SOD2: variants seen among roughly 807,000 people sequenced by gnomAD.
The protein encoded by SOD2 is superoxide dismutase 2.
SOD2 carries 11 observed loss-of-function variants against 27.0 expected under a neutral mutation model. That is an observed-to-expected ratio of 0.41 (90% CI 0.26 to 0.67). The LOEUF (loss-of-function observed/expected upper bound fraction) is 0.67, where lower values mean the gene tolerates loss of function less well. SOD2 is among the 30% of genes least tolerant of loss of function. The pLI, the probability that SOD2 is intolerant of heterozygous loss-of-function variation, is 0.34. For synonymous variants in SOD2, 105 were observed against 103.0 expected (o/e 1.02, Z -0.12); for missense variants, 250 against 274.5 (o/e 0.91, Z 0.63).
At chr6:159,749,377 T>G (rs879349764), upstream of SOD2, 3 of 985,684 alleles carry the variant, frequency 3.0e-6, no homozygotes, top group Non-Finnish European at 3.6e-6. Flanking sequence ...TATTTGGGCC[T>G]TTTGTATTGC....
At chr6:159,740,086 T>A (rs1779158825) in intron 1 of SOD2, among the ~76,000 whole-genome samples, 1 of 152,034 alleles carries the variant, frequency 6.6e-6, no homozygotes, top group South Asian at 2.1e-4. Context: ...CTGAAGTGAT[T>A]CTCTCACCTT....
chr6:159,705,725 T>A (rs1245529668), intron 1 of SOD2, among the ~76,000 whole-genome samples: 2 of 152,150 alleles, frequency 1.3e-5, no homozygotes, highest in Non-Finnish European at 2.9e-5. Flanking sequence ...TTCCCCAACC[T>A]AGCAAGGCAG....
chr6:159,714,554 C>T (rs1411708611), intron 1 of SOD2, among the ~76,000 whole-genome samples: 2 of 152,174 alleles, frequency 1.3e-5, no homozygotes, highest in Admixed American at 6.5e-5. Flanking sequence ...ATGTTTTGCT[C>T]GTTTCATCGC....
intron 1 of SOD2, chr6:159,736,343 G>A (rs1425838328): frequency 2.0e-6 from 3 of 1,477,882 alleles, no homozygotes; most frequent in Non-Finnish European, 2.8e-6. Flanking sequence ...GGGTTTTTTG[G>A]GGGCTTTTTT....
chr6:159,761,919 G>C, exon 1 of SOD2: 2 of 729,646 alleles, frequency 2.7e-6, no homozygotes, highest in Non-Finnish European at 4.3e-6. Flanking sequence ...CCCCTGCTCC[G>C]GCCTTGCGCC....
chr6:159,746,320 G>C (rs1250864782), upstream of SOD2, among the ~76,000 whole-genome samples: 1 of 152,190 alleles, frequency 6.6e-6, no homozygotes, highest in Non-Finnish European at 1.5e-5. Context: ...GAAAGGATTG[G>C]CCCTGAGAAG....
intron 1 of SOD2, among the ~76,000 whole-genome samples, chr6:159,699,979 C>G (rs1224054613): frequency 6.6e-6 from 1 of 152,248 alleles, no homozygotes; most frequent in Admixed American, 6.5e-5. Flanking sequence ...CTCAATCCAT[C>G]TTGGCCTGCA....
At chr6:159,701,879 C>T (rs1342957271) in intron 1 of SOD2, among the ~76,000 whole-genome samples, 1 of 152,142 alleles carries the variant, frequency 6.6e-6, no homozygotes, top group Non-Finnish European at 1.5e-5. Context: ...TGCTCATTCC[C>T]CTTCTTGCCA....
exon 1 of SOD2, chr6:159,761,282 T>C (rs2114970412): frequency 4.1e-6 from 1 of 244,626 alleles, no homozygotes. Context: ...CTCAGAAAAA[T>C]TATGAACTTT....
chr6:159,741,922 A>G (rs1779280819), intron 1 of SOD2: 1 of 538,120 alleles, frequency 1.9e-6, no homozygotes, highest in East Asian at 3.6e-5. Flanking sequence ...GCTGCACTCC[A>G]GCCTGGGGGA....
In SOD2 at chr6:159,693,223, AGCCACCACAGCCACGAG is replaced by A; in HGVS notation, c.-73_-57del. On this transcript the variant is annotated 5_prime_UTR_variant, in exon 1 of 5. Coordinates refer to ENST00000538183, the MANE Select transcript of SOD2 (RefSeq NM_000636.4). ...GCCGATCTGCTGAAGCCGCTGCCGA[AGCCACCACAGCCACGAG>A]TGCCGCTCCTGCGCCGCCCGCGGGC... 3 of 1,470,400 alleles carry A rather than the reference AGCCACCACAGCCACGAG, an allele frequency of 2.0e-6. 1 individual carries two copies. In the Admixed American group the frequency reaches 6.4e-5, roughly 31 times the overall value. The allele number at this position is 1,470,400 out of a possible 1,614,324, so 91.1% of individuals were successfully genotyped here.
At chr6:159,744,635 C>T (rs1779461299) in intron 1 of SOD2, among the ~76,000 whole-genome samples, 3 of 152,230 alleles carry the variant, frequency 2.0e-5, no homozygotes, top group Admixed American at 2.0e-4. Flanking sequence ...ATTTACTCTT[C>T]TTTCACTTGT....
At chr6:159,727,357 T>C (rs1245594403), upstream of SOD2, 4 of 906,620 alleles carry the variant, frequency 4.4e-6, no homozygotes, top group Non-Finnish European at 5.5e-6. Context: ...AAGGCGAACA[T>C]GGCGGAGCGG....
upstream of SOD2, among the ~76,000 whole-genome samples, chr6:159,697,424 T>C (rs1351409070): frequency 6.6e-6 from 1 of 152,204 alleles, no homozygotes; most frequent in African/African-American, 2.4e-5. Context: ...TGAAGTGATC[T>C]AGGCTAAAAG....
chr6:159,682,321 T>C lies in SOD2; in HGVS notation c.*172A>G. On this transcript the variant is annotated 3_prime_UTR_variant, in exon 5 of 5. Transcript: ENST00000538183. Reference sequence around the variant, plus strand: ...TTACTATTTTCAATCACTTGCCCAATAACAAAATGTTTAGTAAGAAATTAT... The same window carrying C: ...TTACTATTTTCAATCACTTGCCCAACAACAAAATGTTTAGTAAGAAATTAT... The C allele has an allele frequency of 2.1e-6, 1 of 485,218 alleles. No homozygotes were observed. Among genetic ancestry groups the C allele is most frequent in the Non-Finnish European group, 3.5e-6 (1 of 288,410 alleles). 30.1% of individuals were successfully genotyped at this position (485,218 alleles called of 1,614,324 possible).
chr6:159,703,377 T>C (rs150260744), intron 1 of SOD2, among the ~76,000 whole-genome samples: 1 of 150,288 alleles, frequency 6.7e-6, no homozygotes, highest in Non-Finnish European at 1.5e-5. Flanking sequence ...AGAAAGCAGC[T>C]TACTACATGG....
In SOD2 at chr6:159,688,157, G is replaced by A; in HGVS notation, c.312C>T (p.Asn104=). 1.2e-6 allele frequency: 2 copies of A among 1,612,918 alleles called. No individual in the cohort carries two copies. Among genetic ancestry groups the A allele is most frequent in the Non-Finnish European group, 1.7e-6 (2 of 1,178,866 alleles). Residue 104 remains asparagine, a synonymous_variant, in exon 3 of 5, where the codon AAC becomes AAT. Transcript: ENST00000538183. The part of the protein sequence containing the change: ...GHINHSIFWT[N]LSPNGGGEPK... The stretch of plus-strand genomic sequence containing the variant: ...GTTCTCCACCACCGTTAGGGCTGAG[G>A]TTTGTCCAGAAAATGCTATGATTGA...
At chr6:159,727,608 G>A (rs919783630), upstream of SOD2, 5 of 986,266 alleles carry the variant, frequency 5.1e-6, no homozygotes, top group African/African-American at 1.7e-5. Context: ...AGAGCTGTCC[G>A]GCTGCGCGGT....
At chr6:159,743,862 A>T in intron 1 of SOD2, 1 of 1,432,186 alleles carries the variant, frequency 7.0e-7, no homozygotes, top group East Asian at 2.5e-5. Flanking sequence ...ATTACATGTT[A>T]ATTTTAAACA....
Sources: allele counts gnomAD v4.1 joint callset (sites outside exome capture counted in the v4.1 genomes callset), GRCh38; gene constraint gnomAD v4.1.1; transcripts MANE v1.5; gene names NCBI Gene and HGNC (gene_info 2026-07-23, HGNC 2026-07-21).